GPC6: variants seen among roughly 807,000 people sequenced by gnomAD.
GPC6 encodes glypican 6, also known as glypican-6.
Under a neutral mutation model 55.2 loss-of-function variants are expected in GPC6, and 14 were observed. The ratio of observed to expected loss-of-function variants is 0.25; its 90% CI spans 0.17 to 0.40. GPC6 has a LOEUF of 0.40. Ranked by LOEUF, GPC6 falls within the 10% of genes least tolerant of loss-of-function variation. The probability of loss-of-function intolerance (pLI) is 1.00; values close to 1 mark genes in which losing one functional copy is unlikely to be tolerated. For synonymous variants in GPC6, 278 were observed against 259.6 expected (o/e 1.07, Z -0.68); for missense variants, 641 against 708.5 (o/e 0.90, Z 1.08).
At chr13:93,551,476 A>G (rs1305367724) in intron 2 of GPC6, among the ~76,000 whole-genome samples, 2 of 152,134 alleles carry the variant, frequency 1.3e-5, no homozygotes, top group Non-Finnish European at 2.9e-5. Flanking sequence ...CACGTAGGTT[A>G]TTCTTTTGAA....
At chr13:93,374,688 A>T (rs1874812439) in intron 1 of GPC6, among the ~76,000 whole-genome samples, 1 of 152,224 alleles carries the variant, frequency 6.6e-6, no homozygotes, top group Non-Finnish European at 1.5e-5. Context: ...TTGAATAAAA[A>T]TAGGTAAACA....
Position 93,881,387 on chromosome 13 carries a change from A to G in GPC6, c.711+50842A>G, listed in dbSNP as rs1324213236. ...GCCTTCTTTCCCTGCTTCTTAACAT[A>G]TGCTATCTAGGCACATTGGTAACAA... On this transcript the variant is annotated intron_variant, in intron 3 of 8. Transcript: ENST00000377047. Among the ~76,000 whole-genome samples the G allele has an allele frequency of 2.0e-5, 3 of 152,254 alleles. No individual in the cohort carries two copies. In the South Asian group the frequency reaches 6.2e-4, roughly 32 times the overall value.
At chr13:94,243,274 A>G (rs1891107832) in intron 4 of GPC6, among the ~76,000 whole-genome samples, 2 of 152,134 alleles carry the variant, frequency 1.3e-5, no homozygotes, top group African/African-American at 4.8e-5. Flanking sequence ...CCTTACATCT[A>G]CAAATCTGCC....
intron 4 of GPC6, among the ~76,000 whole-genome samples, chr13:94,096,754 T>G (rs936997951): frequency 2.6e-5 from 4 of 152,218 alleles, no homozygotes; most frequent in Non-Finnish European, 5.9e-5. Context: ...CACCTATATA[T>G]AGCCATGTCT....
At chr13:93,593,467 T>C (rs1010405926) in intron 2 of GPC6, among the ~76,000 whole-genome samples, 2 of 152,184 alleles carry the variant, frequency 1.3e-5, no homozygotes, top group East Asian at 1.9e-4. Context: ...ATTTGTTGAA[T>C]GTAAGTTATT....
chr13:93,922,284 T>C (rs946301773), intron 3 of GPC6, among the ~76,000 whole-genome samples: 4 of 152,072 alleles, frequency 2.6e-5, no homozygotes, highest in Non-Finnish European at 4.4e-5. Context: ...GGTTGCAGAG[T>C]GTCACAAAAG....
chr13:93,562,314 A>G (rs1875855179), intron 2 of GPC6, among the ~76,000 whole-genome samples: 1 of 152,266 alleles, frequency 6.6e-6, no homozygotes, highest in Admixed American at 6.5e-5. Context: ...CCTTTATGCA[A>G]GATATTTGAA....
intron 2 of GPC6, among the ~76,000 whole-genome samples, chr13:93,786,803 T>C (rs757981096): frequency 5.3e-5 from 8 of 152,164 alleles, no homozygotes; most frequent in Non-Finnish European, 1.0e-4. Context: ...ATAAAGACTA[T>C]CAGTGAAACC....
chr13:93,427,738 C>T (rs1877195877), intron 1 of GPC6, among the ~76,000 whole-genome samples: 1 of 152,000 alleles, frequency 6.6e-6, no homozygotes, highest in Non-Finnish European at 1.5e-5. Context: ...ACTTCCAGCC[C>T]CTAGCACAGC....
At chr13:93,398,338 G>A (rs1268589531) in intron 1 of GPC6, among the ~76,000 whole-genome samples, 1 of 152,180 alleles carries the variant, frequency 6.6e-6, no homozygotes, top group African/African-American at 2.4e-5. Flanking sequence ...AGTGCTCTCT[G>A]GGGAGGCAAG....
intron 1 of GPC6, among the ~76,000 whole-genome samples, chr13:93,341,568 C>T (rs1390823658): frequency 1.3e-5 from 2 of 152,068 alleles, no homozygotes; most frequent in Non-Finnish European, 2.9e-5. Context: ...CTATTCATGT[C>T]CTTTGCCCAC....
chr13:94,125,859 A>G (rs1456183742), intron 4 of GPC6, among the ~76,000 whole-genome samples: 1 of 152,170 alleles, frequency 6.6e-6, no homozygotes, highest in Admixed American at 6.5e-5. Context: ...GGTTCATTAA[A>G]TACTTGTTGA....
chr13:94,016,895 T>C (rs1882488201), intron 3 of GPC6, among the ~76,000 whole-genome samples: 1 of 151,738 alleles, frequency 6.6e-6, no homozygotes, highest in Non-Finnish European at 1.5e-5. Context: ...AGTGCAATGG[T>C]GCGATCTCAG....
intron 1 of GPC6, among the ~76,000 whole-genome samples, chr13:93,282,457 T>G (rs1877985077): frequency 6.6e-6 from 1 of 152,006 alleles, no homozygotes; most frequent in African/African-American, 2.4e-5. Context: ...AGAGCAGGTA[T>G]GTATTGTATG....
chr13:93,882,179 G>A (rs752143166), intron 3 of GPC6, among the ~76,000 whole-genome samples: 12 of 149,762 alleles, frequency 8.0e-5, no homozygotes, highest in Admixed American at 1.3e-4. Context: ...TTTTTTGACA[G>A]GGTCTCACTC....
At chr13:93,531,097 G>A (rs1002460018) in intron 1 of GPC6, among the ~76,000 whole-genome samples, 1 of 152,020 alleles carries the variant, frequency 6.6e-6, no homozygotes, top group African/African-American at 2.4e-5. Context: ...ATAATCATAG[G>A]CAGTCATGAT....
chr13:93,748,873 T>G (rs1884487837), intron 2 of GPC6, among the ~76,000 whole-genome samples: 1 of 145,074 alleles, frequency 6.9e-6, no homozygotes, highest in Admixed American at 6.9e-5. Flanking sequence ...GTTACGCTTT[T>G]ACTTTTTCAT....
At chr13:94,100,275 G>A (rs530935296) in intron 4 of GPC6, among the ~76,000 whole-genome samples, 261 of 152,256 alleles carry the variant, frequency 1.7e-3, no homozygotes, top group African/African-American at 6.1e-3. Flanking sequence ...TTATTTGAGG[G>A]AAATGGGGTA....
At chr13:93,951,234 T>A (rs758997879) in intron 3 of GPC6, among the ~76,000 whole-genome samples, 8 of 152,172 alleles carry the variant, frequency 5.3e-5, no homozygotes, top group Non-Finnish European at 8.8e-5. Context: ...GTCATGTTAC[T>A]TCCTGCTTGA....
Sources: gnomAD v4.1 joint callset for allele counts (sites outside exome capture counted in the v4.1 genomes callset) on GRCh38, gnomAD v4.1.1 for gene constraint, MANE v1.5 for transcripts, NCBI Gene and HGNC (gene_info 2026-07-23, HGNC 2026-07-21) for gene names.